DNAJC27: variants seen among roughly 807,000 people sequenced by gnomAD.
DNAJC27 encodes DnaJ heat shock protein family (Hsp40) member C27, also known as dnaJ homolog subfamily C member 27.
In DNAJC27, 25 loss-of-function variants were observed where a neutral mutation model predicts 31.4. That is an observed-to-expected ratio of 0.80 (90% CI 0.58 to 1.11). The LOEUF (loss-of-function observed/expected upper bound fraction) is 1.11, where lower values mean the gene tolerates loss of function less well. Among genes scored for constraint, DNAJC27 ranks in the 50% most tolerant of loss-of-function variants. DNAJC27 has a pLI of 0.00. For missense variants in DNAJC27, 356 were observed against 347.3 expected (o/e 1.02, Z -0.20); for synonymous variants, 106 against 112.7 (o/e 0.94, Z 0.37).
At chr2:24,965,962 T>A (rs1666170013) in intron 2 of DNAJC27, among the ~76,000 whole-genome samples, 1 of 152,104 alleles carries the variant, frequency 6.6e-6, no homozygotes, top group African/African-American at 2.4e-5. Flanking sequence ...ACTAATAAAT[T>A]TTCAGGGAGT....
At chr2:24,960,433 G>T (rs1343726904) in intron 3 of DNAJC27, among the ~76,000 whole-genome samples, 1 of 152,178 alleles carries the variant, frequency 6.6e-6, no homozygotes, top group Non-Finnish European at 1.5e-5. Context: ...GCCTCTAAGT[G>T]TTCAAGTAAA....
At chr2:24,958,047 C>A in intron 3 of DNAJC27, 73 bp from the exon 4 acceptor site, 1 of 1,408,382 alleles carries the variant, frequency 7.1e-7, no homozygotes, top group Non-Finnish European at 9.8e-7. Flanking sequence ...CAGTCATTAA[C>A]CTGGCAAAGT....
chr2:24,972,090 G>A, upstream of DNAJC27: 4 of 493,220 alleles, frequency 8.1e-6, no homozygotes, highest in Non-Finnish European at 1.4e-5. Context: ...CCGGGGGAGG[G>A]AGACGGGAGT....
chr2:24,963,678 A>G (rs1666106983), intron 2 of DNAJC27, among the ~76,000 whole-genome samples: 1 of 152,346 alleles, frequency 6.6e-6, no homozygotes, highest in African/African-American at 2.4e-5. Flanking sequence ...CACTGAACCC[A>G]CATGGAGTAG....
Position 24,951,565 on chromosome 2 carries a change from A to ACCC in DNAJC27, c.529-12_529-11insGGG. ...GGATATATAAAAGGTCTACAAGAAG[A>ACCC]AAACATAACCCAGGGTAGAAATGAT... On this transcript the variant is annotated splice_polypyrimidine_tract_variant and intron_variant, in intron 5 of 6. Coordinates refer to ENST00000264711, the MANE Select transcript of DNAJC27 (RefSeq NM_016544.3). 1 of 1,603,966 alleles carries ACCC rather than the reference A, an allele frequency of 6.2e-7. No homozygotes were observed. The highest frequency in any genetic ancestry group is 8.5e-7 in the Non-Finnish European group (1 of 1,174,524).
At chr2:24,968,068 T>C (rs890390666) in intron 1 of DNAJC27, among the ~76,000 whole-genome samples, 1 of 151,082 alleles carries the variant, frequency 6.6e-6, no homozygotes, top group African/African-American at 2.4e-5. Context: ...AGAAAAAAAA[T>C]TTCCTGTTAA....
intron 5 of DNAJC27, 36 bp downstream of exon 5, chr2:24,957,007 T>C: frequency 6.3e-7 from 1 of 1,587,178 alleles, no homozygotes; most frequent in African/African-American, 1.4e-5. Context: ...ACAGTGGCCT[T>C]GACACAAACC....
chr2:24,959,058 C>T (rs1665979377), intron 3 of DNAJC27, among the ~76,000 whole-genome samples: 1 of 152,160 alleles, frequency 6.6e-6, no homozygotes, highest in South Asian at 2.1e-4. Flanking sequence ...AAGCTATCCC[C>T]TAAAGTTAAA....
chr2:24,962,650 C>T (rs79548295), intron 3 of DNAJC27, among the ~76,000 whole-genome samples: 10,670 of 152,202 alleles, frequency 0.07, 533 homozygotes, highest in Non-Finnish European at 0.11. Flanking sequence ...GAAAATACAA[C>T]ATCTCAGAAT....
intron 2 of DNAJC27, among the ~76,000 whole-genome samples, chr2:24,966,813 T>C (rs1346031833): frequency 6.6e-6 from 1 of 152,204 alleles, no homozygotes; most frequent in African/African-American, 2.4e-5. Flanking sequence ...AAAACTTCTC[T>C]GGTAGAAAAT....
intron 3 of DNAJC27, 59 bp downstream of exon 3, chr2:24,963,346 A>G: frequency 7.3e-7 from 1 of 1,366,174 alleles, no homozygotes; most frequent in Non-Finnish European, 1.0e-6. Context: ...ATAATTCTGG[A>G]TCTCTCCCCA....
At chr2:24,963,366 C>T (rs750497850) in intron 3 of DNAJC27, 39 bp downstream of exon 3, 18 of 1,530,034 alleles carry the variant, frequency 1.2e-5, no homozygotes, top group East Asian at 2.3e-5. Context: ...AAACCACCAA[C>T]AATACTGGAT....
intron 5 of DNAJC27, among the ~76,000 whole-genome samples, chr2:24,954,482 G>T (rs1170490501): frequency 1.3e-5 from 2 of 152,216 alleles, no homozygotes; most frequent in Non-Finnish European, 2.9e-5. Context: ...TTTGGAAGCT[G>T]AGTCCTGCCA....
chr2:24,964,051 TCATAG>T (rs1666114924), intron 2 of DNAJC27, among the ~76,000 whole-genome samples: 1 of 152,198 alleles, frequency 6.6e-6, no homozygotes, highest in Non-Finnish European at 1.5e-5. Context: ...ACTGTTAACA[TCATAG>T]CATATTTGTT....
intron 1 of DNAJC27, chr2:24,969,011 G>C (rs947574267): frequency 1.2e-5 from 2 of 160,108 alleles, no homozygotes; most frequent in African/African-American, 4.8e-5. Context: ...TGAGCCAAAG[G>C]GTGACTCTAC....
chr2:24,960,588 C>T (rs2149127111), intron 3 of DNAJC27, among the ~76,000 whole-genome samples: 1 of 152,302 alleles, frequency 6.6e-6, no homozygotes, highest in South Asian at 2.1e-4. Flanking sequence ...AGGAAAACTT[C>T]TTGAATGAAA....
intron 2 of DNAJC27, among the ~76,000 whole-genome samples, chr2:24,966,599 C>T (rs1573118089): frequency 6.6e-6 from 1 of 152,148 alleles, no homozygotes; most frequent in Non-Finnish European, 1.5e-5. Context: ...GCTGGGACTA[C>T]AGGTGTGTGC....
At chr2:24,966,047 T>TA (rs1421960888) in intron 2 of DNAJC27, among the ~76,000 whole-genome samples, 2 of 152,168 alleles carry the variant, frequency 1.3e-5, no homozygotes, top group African/African-American at 4.8e-5. Flanking sequence ...GTACCATAAA[T>TA]ACCATAGACA....
At position 24,944,607 on chromosome 2, in the gene DNAJC27, T is replaced by C. The variant is rs573158826; in HGVS notation, c.*3009A>G. 1 of 152,720 alleles carries C rather than the reference T, an allele frequency of 6.5e-6. No homozygotes were observed. Among genetic ancestry groups the C allele is most frequent in the South Asian group, 2.1e-4 (1 of 4,830 alleles). 9.5% of individuals were successfully genotyped at this position (152,720 alleles called of 1,614,324 possible). A position where few individuals can be genotyped will look rare whatever the true frequency, so the allele number is the denominator to read the frequency against. On this transcript the variant is annotated 3_prime_UTR_variant, in exon 7 of 7. Coordinates refer to ENST00000264711, the MANE Select transcript of DNAJC27 (RefSeq NM_016544.3). ...ATGTGCAATCTATAAAACTGTAGCATTTTCTCTTGGGTAGCAACACAATGA... is the reference window on the plus strand; with the variant it reads ...ATGTGCAATCTATAAAACTGTAGCACTTTCTCTTGGGTAGCAACACAATGA...
Sources: allele counts gnomAD v4.1 joint callset (sites outside exome capture counted in the v4.1 genomes callset), GRCh38; gene constraint gnomAD v4.1.1; transcripts MANE v1.5; gene names NCBI Gene and HGNC (gene_info 2026-07-23, HGNC 2026-07-21).